Variants in KCTD8 observed in about 807,000 individuals in gnomAD.
KCTD8 encodes the protein BTB/POZ domain-containing protein KCTD8.
Under a neutral mutation model 31.5 loss-of-function variants are expected in KCTD8, and 27 were observed. That is an observed-to-expected ratio of 0.86 (90% CI 0.63 to 1.18). KCTD8 has a LOEUF of 1.18. KCTD8 is among the 50% of genes most tolerant of loss of function. The pLI is 0.00. For synonymous variants in KCTD8, 290 were observed against 280.0 expected, an observed-to-expected ratio of 1.04 and a Z score of -0.36; for missense variants, 658 against 647.7, an observed-to-expected ratio of 1.02 and a Z score of -0.17.
At chr4:44,364,278 T>C (rs1194610174) in intron 1 of KCTD8, among the ~76,000 whole-genome samples, 1 of 152,136 alleles carries the variant, frequency 6.6e-6, no homozygotes, top group East Asian at 1.9e-4. Context: ...AGTTAAAATA[T>C]TTGAATAGAC....
chr4:44,298,951 T>C (rs1262271333), intron 1 of KCTD8, among the ~76,000 whole-genome samples: 1 of 152,016 alleles, frequency 6.6e-6, no homozygotes, highest in East Asian at 1.9e-4. Flanking sequence ...ATGCATACAG[T>C]TGTAAAAAAA....
At chr4:44,270,155 T>C (rs1388922558) in intron 1 of KCTD8, among the ~76,000 whole-genome samples, 2 of 151,980 alleles carry the variant, frequency 1.3e-5, no homozygotes, top group African/African-American at 2.4e-5. Context: ...TGTCCAACAA[T>C]GATAGACTGG....
At chr4:44,194,985 A>T (rs1203106716) in intron 1 of KCTD8, among the ~76,000 whole-genome samples, 1 of 150,736 alleles carries the variant, frequency 6.6e-6, no homozygotes, top group African/African-American at 2.4e-5. Context: ...CCTCCCAAGT[A>T]GCTGGGATTA....
intron 1 of KCTD8, among the ~76,000 whole-genome samples, chr4:44,223,029 A>G (rs1244111460): frequency 6.6e-6 from 1 of 152,200 alleles, no homozygotes. Context: ...AACTGGCTTC[A>G]TTATGTAGAG....
chr4:44,182,308 A>G lies in KCTD8; in HGVS notation c.962-7058T>C, dbSNP rs1320346450. On this transcript the variant is annotated intron_variant, in intron 1 of 1. Transcript: ENST00000360029. ...GCAGTGTACCCAACAGCTCATTGAG[A>G]ACGGGCCATGATGAAGATGGCGGTT... is the stretch of plus-strand genomic sequence containing the variant. Among the ~76,000 whole-genome samples the G allele has an allele frequency of 2.6e-5, 4 of 152,368 alleles. No homozygotes were observed. In the East Asian group the frequency reaches 7.7e-4, roughly 29 times the overall value.
intron 1 of KCTD8, among the ~76,000 whole-genome samples, chr4:44,402,568 C>A (rs2109457756): frequency 6.6e-6 from 1 of 152,142 alleles, no homozygotes; most frequent in East Asian, 1.9e-4. Flanking sequence ...AGCCAACTTA[C>A]CCTGAAGCTA....
Position 44,214,295 on chromosome 4 carries a change from A to T in KCTD8, c.962-39045T>A, listed in dbSNP as rs79423867. ...AGGAGCTAGGAGGATAGAGGGGGAA[A>T]ATATTTGTTTCTCCCCTACACATGT... On this transcript the variant is annotated intron_variant, in intron 1 of 1. Transcript: ENST00000360029. 9.0e-3 allele frequency among the ~76,000 whole-genome samples: 1,375 copies of T among 152,174 alleles called. 20 individuals are homozygous for T. Among genetic ancestry groups the T allele is most frequent in the African/African-American group, 0.031 (1,288 of 41,500 alleles).
At position 44,278,756 on chromosome 4, in the gene KCTD8, G is replaced by A. The variant is rs371681134; in HGVS notation, c.962-103506C>T. ...ACAGCCAGGCCCATACCTCATCTCCGTTCTCATCCTTTCTGACCTCTCAAC... is the reference window on the plus strand; with the variant it reads ...ACAGCCAGGCCCATACCTCATCTCCATTCTCATCCTTTCTGACCTCTCAAC... On this transcript the variant is annotated intron_variant, in intron 1 of 1. Transcript: ENST00000360029. Among the ~76,000 whole-genome samples the A allele has an allele frequency of 4.1e-4, 63 of 152,038 alleles. 1 individual carries two copies. The South Asian group carries it at 0.011, about 26-fold the overall frequency.
At chr4:44,326,773 C>T (rs910698076) in intron 1 of KCTD8, among the ~76,000 whole-genome samples, 2 of 151,652 alleles carry the variant, frequency 1.3e-5, no homozygotes, top group South Asian at 4.1e-4. Flanking sequence ...GACTAATACT[C>T]CAGTCTTTCC....
intron 1 of KCTD8, among the ~76,000 whole-genome samples, chr4:44,252,868 C>T (rs1715882122): frequency 6.6e-6 from 1 of 151,628 alleles, no homozygotes; most frequent in South Asian, 2.1e-4. Flanking sequence ...GAGGCACTTC[C>T]TTACTTTTTG....
At chr4:44,248,352 C>T (rs1355187946) in intron 1 of KCTD8, among the ~76,000 whole-genome samples, 1 of 150,874 alleles carries the variant, frequency 6.6e-6, no homozygotes, top group Non-Finnish European at 1.5e-5. Context: ...CAACAGGAGA[C>T]TTGCTTATCC....
intron 1 of KCTD8, among the ~76,000 whole-genome samples, chr4:44,241,298 G>T (rs372257370): frequency 9.3e-4 from 141 of 152,250 alleles, no homozygotes; most frequent in African/African-American, 3.1e-3. Context: ...AGAAAATTCG[G>T]TTTTTCTGGA....
chr4:44,253,360 A>C (rs1577576551), intron 1 of KCTD8, among the ~76,000 whole-genome samples: 1 of 151,754 alleles, frequency 6.6e-6, no homozygotes, highest in Non-Finnish European at 1.5e-5. Context: ...GCCCACTTTT[A>C]ATAAATTACA....
chr4:44,426,491 T>C (rs1248915702), intron 1 of KCTD8, among the ~76,000 whole-genome samples: 2 of 151,386 alleles, frequency 1.3e-5, no homozygotes, highest in African/African-American at 2.4e-5. Flanking sequence ...AGAGAGATAA[T>C]AGAAATAACC....
chr4:44,238,357 T>G (rs1475603781), intron 1 of KCTD8, among the ~76,000 whole-genome samples: 1 of 152,310 alleles, frequency 6.6e-6, no homozygotes, highest in Admixed American at 6.5e-5. Context: ...AAACTTATCC[T>G]GGTTGTGATG....
In KCTD8 at chr4:44,448,615, C is replaced by T; in HGVS notation, c.-92G>A. 7.8e-7 allele frequency: 1 copy of T among 1,289,886 alleles called. No homozygotes were observed. The highest frequency in any genetic ancestry group is 9.9e-7 in the Non-Finnish European group (1 of 1,011,382). The allele number at this position is 1,289,886 out of a possible 1,614,324, so 79.9% of individuals were successfully genotyped here. ...CAGCCCTCCGCGTGCTCCTGGCGCT[C>T]TGCGCCCTCGGACTGGGCGGCGCGT... On this transcript the variant is annotated 5_prime_UTR_variant, in exon 1 of 2. Transcript: ENST00000360029. The surrounding 1 kb of genome is among the most constrained non-coding windows in gnomAD (Gnocchi z 4.1).
intron 1 of KCTD8, among the ~76,000 whole-genome samples, chr4:44,370,932 G>C (rs963262257): frequency 2.0e-5 from 3 of 151,996 alleles, no homozygotes; most frequent in African/African-American, 7.3e-5. Context: ...CATAGAAAGA[G>C]ATTTATTGTG....
intron 1 of KCTD8, among the ~76,000 whole-genome samples, chr4:44,344,359 ATT>A (rs1165644842): frequency 6.6e-6 from 1 of 151,936 alleles, no homozygotes; most frequent in South Asian, 2.1e-4. Context: ...TAATGTTTTC[ATT>A]TTTTTGTAGA....
At chr4:44,228,908 C>CT (rs1015741563) in intron 1 of KCTD8, among the ~76,000 whole-genome samples, 41 of 152,176 alleles carry the variant, frequency 2.7e-4, no homozygotes, top group African/African-American at 8.7e-4. Flanking sequence ...ATTTTCTAAC[C>CT]TTTTTTTGTA....
Sources: allele counts gnomAD v4.1 joint callset (sites outside exome capture counted in the v4.1 genomes callset), GRCh38; gene constraint gnomAD v4.1.1; non-coding constraint Gnocchi (gnomAD v3.1); transcripts MANE v1.5; gene names NCBI Gene and HGNC (gene_info 2026-07-23, HGNC 2026-07-21).